ACOT9: variants seen among roughly 807,000 people sequenced by gnomAD.
ACOT9 encodes the protein acyl-coenzyme A thioesterase 9, mitochondrial.
In ACOT9, 34 loss-of-function variants were observed where a neutral mutation model predicts 39.7. That is an observed-to-expected ratio of 0.86 (90% confidence interval 0.65 to 1.14). The LOEUF is 1.14. Among genes scored for constraint, ACOT9 ranks in the 50% most tolerant of loss-of-function variants. The pLI is 0.00. For missense variants in ACOT9, 313 were observed against 344.1 expected, an observed-to-expected ratio of 0.91 and a Z score of 0.71; for synonymous variants, 110 against 120.5, an observed-to-expected ratio of 0.91 and a Z score of 0.57.
chrX:23,722,719 G>A lies in ACOT9; in HGVS notation c.435C>T (p.Ser145=), dbSNP rs774875120. The A allele has an allele frequency of 1.8e-5, 22 of 1,203,160 alleles. No homozygotes were observed. Among genetic ancestry groups the A allele is most frequent in the Middle Eastern group, 2.3e-4 (1 of 4,333 alleles). The change falls in exon 7 of 16, where the codon TCC becomes TCT. Residue 145 remains serine, a synonymous_variant. Transcript: ENST00000379303. ...LICYMHNKIH[S]AKMSPLSIVT... ...CTATCGATAAAGGAGACATCTTGGC[G>A]GAGTGGATTTTGTTGTGCATGTAAC...
At position 23,702,379 on chromosome X, in the gene ACOT9, A is replaced by C. The variant is rs1406486164; in HGVS notation, c.*1515T>G. On this transcript the variant is annotated 3_prime_UTR_variant, in exon 16 of 16. Coordinates refer to ENST00000379303, the MANE Select transcript of ACOT9 (RefSeq NM_001037171.2). ...AGCAGTTCTCTGCCTCAGCCTCCCG[A>C]GTAGCTGGGATTACAGGCGTCCGCC... The C allele has an allele frequency of 9.4e-6, 1 of 106,602 alleles. No homozygotes were observed. Among genetic ancestry groups the C allele is most frequent in the Non-Finnish European group, 1.9e-5 (1 of 51,905 alleles). 8.8% of individuals were successfully genotyped at this position (106,602 alleles called of 1,213,427 possible). A position where few individuals can be genotyped will look rare whatever the true frequency, so the allele number is the denominator to read the frequency against.
In ACOT9 at chrX:23,705,838, C is replaced by T. The variant is rs775363617; in HGVS notation, c.863G>A (p.Arg288Gln). ...CCACACTGCATTAGAGGGTAAAACT[C>T]GACTCCGAAAACTTATAGTCCTGTA... The part of the protein sequence containing the change: ...LDPKTISFRS[R>Q]VLPSNAVWME... The change falls in exon 12 of 16, where the codon CGA (arginine) becomes CAA (glutamine). Residue 288 changes from arginine (R) to glutamine (Q), a missense_variant. Transcript: ENST00000379303. The T allele has an allele frequency of 1.6e-5, 19 of 1,206,107 alleles. No individual in the cohort carries two copies. Among genetic ancestry groups the T allele is most frequent in the Admixed American group, 8.8e-5 (4 of 45,703 alleles).
chrX:23,704,933 G>A, intron 14 of ACOT9, 60 bp downstream of exon 14: 1 of 1,175,588 alleles, frequency 8.5e-7, no homozygotes. Flanking sequence ...TTTTGATATA[G>A]AAACTTCTAG....
chrX:23,736,229 G>A lies in ACOT9; in HGVS notation c.21-213C>T, dbSNP rs1429787528. Reference sequence around the variant, plus strand: ...AGAGTAAACATTTCTTGAGAGCAGAGACCAATTAGGTAATTATCTACAAAA... The same window carrying A: ...AGAGTAAACATTTCTTGAGAGCAGAAACCAATTAGGTAATTATCTACAAAA... On this transcript the variant is annotated intron_variant, in intron 1 of 15. Transcript: ENST00000379303. Among the ~76,000 whole-genome samples the A allele has an allele frequency of 3.6e-5, 4 of 111,978 alleles. No individual in the cohort carries two copies. In the East Asian group the frequency reaches 1.1e-3, roughly 31 times the overall value.
chrX:23,724,328 A>G (rs989576548), intron 6 of ACOT9, among the ~76,000 whole-genome samples: 1 of 111,827 alleles, frequency 8.9e-6, no homozygotes, highest in Non-Finnish European at 1.9e-5. Flanking sequence ...TGAAGAGCCT[A>G]TGGCACATCC....
chrX:23,729,456 G>A (rs774099914), intron 6 of ACOT9, among the ~76,000 whole-genome samples: 1 of 111,967 alleles, frequency 8.9e-6, no homozygotes, highest in South Asian at 3.7e-4. Flanking sequence ...AAAGTTGAAT[G>A]GGACCTGAGG....
chrX:23,730,641 G>T, intron 5 of ACOT9, 77 bp from the exon 6 acceptor site: 1 of 1,033,680 alleles, frequency 9.7e-7, no homozygotes, highest in Admixed American at 2.3e-5. Context: ...ACACTTCAGG[G>T]TGATGAAAAT....
chrX:23,717,818 C>T (rs760391712), intron 8 of ACOT9, among the ~76,000 whole-genome samples: 3 of 111,901 alleles, frequency 2.7e-5, no homozygotes, highest in Non-Finnish European at 5.6e-5. Context: ...CTGGGGGCGG[C>T]GGCCCACGCC....
At chrX:23,705,655 C>A in intron 12 of ACOT9, 61 bp from the exon 13 acceptor site, 4 of 1,137,271 alleles carry the variant, frequency 3.5e-6, no homozygotes, top group Non-Finnish European at 4.8e-6. Flanking sequence ...GTATACAGAA[C>A]AGAGGAATTA....
intron 6 of ACOT9, among the ~76,000 whole-genome samples, chrX:23,729,620 G>C (rs1262914173): frequency 3.3e-5 from 2 of 60,633 alleles, no homozygotes; most frequent in African/African-American, 1.8e-4. Context: ...CATAATTCAG[G>C]GACAAAAAAT....
intron 8 of ACOT9, among the ~76,000 whole-genome samples, chrX:23,715,628 C>T (rs769935184): frequency 2.7e-5 from 3 of 111,618 alleles, no homozygotes; most frequent in South Asian, 7.6e-4. Flanking sequence ...AATGCTCCCA[C>T]CAGAAATGCC....
chrX:23,707,643 A>C, intron 10 of ACOT9: 1 of 229,209 alleles, frequency 4.4e-6, no homozygotes, highest in East Asian at 8.4e-5. Context: ...AGGCTGGGGC[A>C]GAAGAATCAC....
chrX:23,706,840 C>T, intron 10 of ACOT9, 101 bp from the exon 11 acceptor site: 1 of 477,806 alleles, frequency 2.1e-6, no homozygotes, highest in Non-Finnish European at 3.6e-6. Context: ...GAAAATTATA[C>T]ACGTATCCAA....
intron 6 of ACOT9, among the ~76,000 whole-genome samples, chrX:23,728,710 C>T (rs563075360): frequency 1.8e-5 from 2 of 111,686 alleles, no homozygotes; most frequent in East Asian, 5.6e-4. Context: ...CCACTCCCAA[C>T]GCACATATCT....
At chrX:23,739,837 G>A (rs747307186) in intron 1 of ACOT9, among the ~76,000 whole-genome samples, 2 of 110,121 alleles carry the variant, frequency 1.8e-5, no homozygotes, top group Non-Finnish European at 3.8e-5. Flanking sequence ...GCACTATCAC[G>A]GACCACTGCC....
At position 23,704,173 on chromosome X, in the gene ACOT9, T is replaced by G. The variant is rs780420644; in HGVS notation, c.1259-191A>C. Among the ~76,000 whole-genome samples the G allele has an allele frequency of 2.7e-3, 251 of 91,762 alleles. 1 individual carries two copies. The highest frequency in any genetic ancestry group is 9.7e-3 in the African/African-American group (235 of 24,226). The allele number at this position is 91,762 out of a possible 115,157, so 79.7% of individuals were successfully genotyped here. A position where few individuals can be genotyped will look rare whatever the true frequency, so the allele number is the denominator to read the frequency against. On this transcript the variant is annotated intron_variant, in intron 15 of 15. Transcript: ENST00000379303. ...CTTCCTTTGGCTGGATCAGTTTTTTTTTTTTTTTTTTTTTTGAGACGGAGT... is the reference window on the plus strand; with the variant it reads ...CTTCCTTTGGCTGGATCAGTTTTTTGTTTTTTTTTTTTTTTGAGACGGAGT...
At chrX:23,726,639 T>C (rs1056521307) in intron 6 of ACOT9, among the ~76,000 whole-genome samples, 2 of 105,559 alleles carry the variant, frequency 1.9e-5, no homozygotes, top group African/African-American at 7.0e-5. Context: ...AAGTGTGAGG[T>C]GTTATAAGGA....
intron 2 of ACOT9, among the ~76,000 whole-genome samples, chrX:23,734,914 G>A (rs61197105): frequency 0.063 from 6,411 of 101,604 alleles, 363 homozygotes; most frequent in East Asian, 0.23. Context: ...CCTGGGAGGC[G>A]GAGGTTGCAG....
At position 23,724,005 on chromosome X, in the gene ACOT9, G is replaced by A. The variant is rs1929415784; in HGVS notation, c.401-1252C>T. Among the ~76,000 whole-genome samples the A allele has an allele frequency of 2.7e-5, 3 of 112,207 alleles. No homozygotes were observed. The Admixed American group carries it at 2.9e-4, about 11-fold the overall frequency. The stretch of plus-strand genomic sequence containing the variant: ...AGACTGGGCACAGTGGCTCATGCCT[G>A]TAATCCCAACACTTTTAGAGGCGAA... On this transcript the variant is annotated intron_variant, in intron 6 of 15. Coordinates refer to ENST00000379303, the MANE Select transcript of ACOT9 (RefSeq NM_001037171.2).
Sources: gnomAD v4.1 joint callset for allele counts (sites outside exome capture counted in the v4.1 genomes callset) on GRCh38, gnomAD v4.1.1 for gene constraint, MANE v1.5 for transcripts, NCBI Gene and HGNC (gene_info 2026-07-23, HGNC 2026-07-21) for gene names.